Variants in RSPO1 observed in about 807,000 individuals in gnomAD.
RSPO1 encodes R-spondin 1, also known as R-spondin-1.
A neutral mutation model predicts 26.0 loss-of-function variants in RSPO1; 18 were observed. The ratio of observed to expected loss-of-function variants is 0.69; its 90% CI spans 0.48 to 1.03. The LOEUF (loss-of-function observed/expected upper bound fraction) is 1.03, where lower values mean the gene tolerates loss of function less well. Among genes scored for constraint, RSPO1 ranks in the 50% least tolerant of loss-of-function variants. The pLI is 0.00. For missense variants in RSPO1, 309 were observed against 352.3 expected, an observed-to-expected ratio of 0.88 and a Z score of 0.98; for synonymous variants, 133 against 137.4, an observed-to-expected ratio of 0.97 and a Z score of 0.22.
intron 1 of RSPO1, among the ~76,000 whole-genome samples, chr1:37,632,602 C>T (rs1226516030): frequency 6.6e-6 from 1 of 152,220 alleles, no homozygotes; most frequent in Non-Finnish European, 1.5e-5. Flanking sequence ...CCGTTCAGCT[C>T]TGACTGATTG....
Position 37,633,702 on chromosome 1 carries a change from G to A in RSPO1, c.-356+864C>T, listed in dbSNP as rs552787781. On this transcript the variant is annotated intron_variant, in intron 1 of 6. Transcript: ENST00000356545. ...AAAGTATGTGCCTGTCCGACCTGTC[G>A]GGATTAGCCTGTCTGTCGGAGCCAA... Among the ~76,000 whole-genome samples the A allele has an allele frequency of 5.2e-4, 79 of 152,278 alleles. 1 individual carries two copies. The Middle Eastern group carries it at 0.01, about 20-fold the overall frequency.
In RSPO1 at chr1:37,613,815, AG is replaced by A; in HGVS notation, c.513del (p.Ser172ProfsTer30). ...KKQQLCGFRRGSEERTRRVLH... is the reference protein window; with the variant it reads ...KKQQLCGFRRXSEERTRRVLH... ...AGCACCCTGCGTGTCCGCTCCTCGGAGCCCCTCCGGAAACCACAGAGCTGCT... is the reference window on the plus strand; with the variant it reads ...AGCACCCTGCGTGTCCGCTCCTCGGACCCCTCCGGAAACCACAGAGCTGCT... On this transcript the variant is annotated frameshift_variant, in exon 6 of 7. Coordinates refer to ENST00000356545, the MANE Select transcript of RSPO1 (RefSeq NM_001242908.2). LOFTEE classifies it high-confidence loss of function. This position sits in a 1 kb window ranked among gnomAD's most constrained non-coding sequence, Gnocchi z 4.5. The A allele has an allele frequency of 6.2e-7, 1 of 1,613,968 alleles. No homozygotes were observed. Among genetic ancestry groups the A allele is most frequent in the East Asian group, 2.2e-5 (1 of 44,878 alleles).
chr1:37,616,706 G>A, intron 3 of RSPO1, 31 bp from the exon 4 acceptor site: 1 of 1,599,100 alleles, frequency 6.3e-7, no homozygotes, highest in Non-Finnish European at 8.6e-7. Flanking sequence ...TGAGAAGGCG[G>A]CTGTGGAGAG....
At chr1:37,627,574 C>T (rs1288666938) in intron 3 of RSPO1, among the ~76,000 whole-genome samples, 2 of 151,848 alleles carry the variant, frequency 1.3e-5, no homozygotes, top group African/African-American at 2.4e-5. Flanking sequence ...CACTTGAACC[C>T]GGGAGGCGGA....
intron 3 of RSPO1, among the ~76,000 whole-genome samples, chr1:37,621,809 T>G (rs899027198): frequency 2.0e-5 from 3 of 151,614 alleles, no homozygotes; most frequent in African/African-American, 7.3e-5. Flanking sequence ...AGAGTTTTTT[T>G]TTTTTTTTAA....
In RSPO1 at chr1:37,622,882, G is replaced by T. The variant is rs1644223374; in HGVS notation, c.95-6207C>A. On this transcript the variant is annotated intron_variant, in intron 3 of 6. Coordinates refer to ENST00000356545, the MANE Select transcript of RSPO1 (RefSeq NM_001242908.2). ...GTGGAAGGGAAGGAGTGGAGATAAA[G>T]CCAGGAGGGTGAGAGAGAAAATCAG... Among the ~76,000 whole-genome samples the T allele has an allele frequency of 2.0e-5, 3 of 152,124 alleles. No homozygotes were observed. The South Asian group carries it at 6.2e-4, about 32-fold the overall frequency.
chr1:37,628,406 T>C (rs1478752406), intron 3 of RSPO1, among the ~76,000 whole-genome samples: 2 of 152,234 alleles, frequency 1.3e-5, no homozygotes, highest in African/African-American at 2.4e-5. Context: ...GGCTGAGTCC[T>C]GGCCTTGGCT....
Position 37,630,007 on chromosome 1 carries a change from T to C in RSPO1, c.-288-58A>G, listed in dbSNP as rs182183008. The C allele has an allele frequency of 9.7e-5, 75 of 776,856 alleles. No individual in the cohort carries two copies. The African/African-American group carries it at 1.1e-3, about 11-fold the overall frequency. The allele number at this position is 776,856 out of a possible 1,614,324, so 48.1% of individuals were successfully genotyped here. On this transcript the variant is annotated intron_variant, in intron 2 of 6. Transcript: ENST00000356545. ...GTAGTACCATGAACACTCCCACTTATGCCTCCTGCCCTACCCAGAAGACTG... is the reference window on the plus strand; with the variant it reads ...GTAGTACCATGAACACTCCCACTTACGCCTCCTGCCCTACCCAGAAGACTG...
At chr1:37,621,777 C>A (rs74592361) in intron 3 of RSPO1, among the ~76,000 whole-genome samples, 1 of 149,308 alleles carries the variant, frequency 6.7e-6, no homozygotes, top group Admixed American at 6.7e-5. Context: ...TTTCTTTTTT[C>A]TTTTTTCTTT....
Position 37,629,771 on chromosome 1 carries a change from G to C in RSPO1, c.-110C>G. 11 of 1,555,296 alleles carry C rather than the reference G, an allele frequency of 7.1e-6. No individual in the cohort carries two copies. The highest frequency in any genetic ancestry group is 9.6e-6 in the Non-Finnish European group (11 of 1,148,994). On this transcript the variant is annotated 5_prime_UTR_variant, in exon 3 of 7. Coordinates refer to ENST00000356545, the MANE Select transcript of RSPO1 (RefSeq NM_001242908.2). The stretch of plus-strand genomic sequence containing the variant: ...GGCTGGGTCAGCAGCAGGAGGCCCA[G>C]GCCTGGGCCGTAGCCCAAATCCACC...
Position 37,629,854 on chromosome 1 carries a change from G to C in RSPO1, c.-193C>G. The C allele has an allele frequency of 6.4e-7, 1 of 1,550,950 alleles. No homozygotes were observed. Among genetic ancestry groups the C allele is most frequent in the Non-Finnish European group, 8.7e-7 (1 of 1,146,906 alleles). Reference sequence around the variant, plus strand: ...GAGCCCAGTTCTCCATCAGCTCAAAGGGAGGTCCTCAAAGAGAGACTTCCT... The same window carrying C: ...GAGCCCAGTTCTCCATCAGCTCAAACGGAGGTCCTCAAAGAGAGACTTCCT... On this transcript the variant is annotated 5_prime_UTR_variant, in exon 3 of 7. Coordinates refer to ENST00000356545, the MANE Select transcript of RSPO1 (RefSeq NM_001242908.2).
chr1:37,632,567 A>G (rs902386112), intron 1 of RSPO1, among the ~76,000 whole-genome samples: 1 of 152,220 alleles, frequency 6.6e-6, no homozygotes, highest in African/African-American at 2.4e-5. Flanking sequence ...TGGAGGGTAA[A>G]TGCCCCATCT....
rs184568430 is a variant in RSPO1, at chr1:37,621,373, C to T, written c.95-4698G>A. Among the ~76,000 whole-genome samples the T allele has an allele frequency of 4.3e-4, 66 of 152,184 alleles. No individual in the cohort carries two copies. In the East Asian group the frequency reaches 0.01, roughly 23 times the overall value. ...TCCGTAGAGTGGTGAATGGATTTTC[C>T]GAGGGCAAGAGTGGAGACAGGAAGA... On this transcript the variant is annotated intron_variant, in intron 3 of 6. Transcript: ENST00000356545.
Position 37,611,933 on chromosome 1 carries a change from C to G in RSPO1, c.*822G>C, listed in dbSNP as rs748266696. The stretch of plus-strand genomic sequence containing the variant: ...CCTAACAAGCTGCCCTGTGACAACA[C>G]TGCTGCCGGGCCATGCTCTGAGTAA... On this transcript the variant is annotated 3_prime_UTR_variant, in exon 7 of 7. Transcript: ENST00000356545. The G allele has an allele frequency of 2.0e-5, 3 of 152,388 alleles. No homozygotes were observed. Among genetic ancestry groups the G allele is most frequent in the Non-Finnish European group, 4.4e-5 (3 of 68,078 alleles). 9.4% of individuals were successfully genotyped at this position (152,388 alleles called of 1,614,324 possible). A position where few individuals can be genotyped will look rare whatever the true frequency, so the allele number is the denominator to read the frequency against.
intron 3 of RSPO1, 96 bp downstream of exon 3, chr1:37,629,472 G>T: frequency 3.2e-6 from 3 of 927,466 alleles, no homozygotes; most frequent in Non-Finnish European, 5.3e-6. Flanking sequence ...CTCTGCAAGG[G>T]TCATCATGGA....
intron 3 of RSPO1, among the ~76,000 whole-genome samples, chr1:37,628,646 C>T (rs1463667943): frequency 3.9e-5 from 6 of 152,232 alleles, no homozygotes; most frequent in African/African-American, 1.4e-4. Flanking sequence ...GTGGCCACCC[C>T]TACAGCACTG....
chr1:37,626,540 G>A (rs1008311439), intron 3 of RSPO1, among the ~76,000 whole-genome samples: 2 of 152,132 alleles, frequency 1.3e-5, no homozygotes, highest in African/African-American at 2.4e-5. Flanking sequence ...CGGGCTCCTC[G>A]AGATTCATCT....
chr1:37,620,660 ATATG>A (rs1644187186), intron 3 of RSPO1, among the ~76,000 whole-genome samples: 1 of 149,732 alleles, frequency 6.7e-6, no homozygotes, highest in Admixed American at 6.7e-5. Context: ...TAATAATAAT[ATATG>A]ATAAAAATAA....
rs1644329221 is a variant in RSPO1 at position 37,629,727 on chromosome 1, C to T, written c.-66G>A. On this transcript the variant is annotated 5_prime_UTR_variant, in exon 3 of 7. Coordinates refer to ENST00000356545, the MANE Select transcript of RSPO1 (RefSeq NM_001242908.2). ...CTCGGGGAGGGTGGATAGCACACGG[C>T]TCTTGCTAACACCTCTGGGGCTGGG... 2.5e-6 allele frequency: 4 copies of T among 1,592,770 alleles called. No individual in the cohort carries two copies. The Admixed American group carries it at 7.1e-5, about 28-fold the overall frequency.
Sources: allele counts gnomAD v4.1 joint callset (sites outside exome capture counted in the v4.1 genomes callset), GRCh38; gene constraint gnomAD v4.1.1; non-coding constraint Gnocchi (gnomAD v3.1); transcripts MANE v1.5; gene names NCBI Gene and HGNC (gene_info 2026-07-23, HGNC 2026-07-21).